The following NRXN3 variants were observed in gnomAD, a reference collection of about 807,000 sequenced individuals.
NRXN3 encodes the protein neurexin III.
A neutral mutation model predicts 137.6 loss-of-function variants in NRXN3; 32 were observed. The observed-to-expected ratio is 0.23, with a 90% CI of 0.18 to 0.31. The LOEUF (loss-of-function observed/expected upper bound fraction) is 0.31, where lower values mean the gene tolerates loss of function less well. Among genes scored for constraint, NRXN3 ranks in the 10% least tolerant of loss-of-function variants. The probability of loss-of-function intolerance (pLI) is 1.00; values close to 1 mark genes in which losing one functional copy is unlikely to be tolerated. For missense variants in NRXN3, 1,574 were observed against 2,062.5 expected (o/e 0.76, Z 4.59); for synonymous variants, 798 against 784.5 (o/e 1.02, Z -0.29).
At chr14:79,726,031 A>C (rs1395166237) in intron 19 of NRXN3, among the ~76,000 whole-genome samples, 1 of 152,142 alleles carries the variant, frequency 6.6e-6, no homozygotes, top group Admixed American at 6.6e-5. Flanking sequence ...AATCAGACAC[A>C]TTTTGGGAAG....
At chr14:79,252,984 A>C (rs1379924546) in intron 15 of NRXN3, among the ~76,000 whole-genome samples, 3 of 152,220 alleles carry the variant, frequency 2.0e-5, no homozygotes, top group African/African-American at 4.8e-5. Context: ...AGGAACTTAC[A>C]TCAGAAGGAG....
intron 14 of NRXN3, among the ~76,000 whole-genome samples, chr14:78,976,074 G>A (rs2153031267): frequency 6.6e-6 from 1 of 152,178 alleles, no homozygotes; most frequent in Non-Finnish European, 1.5e-5. Flanking sequence ...TTTTAAGAAG[G>A]GTATTAGTGG....
chr14:78,626,076 C>G (rs2097455170), intron 4 of NRXN3, among the ~76,000 whole-genome samples: 2 of 152,320 alleles, frequency 1.3e-5, no homozygotes, highest in South Asian at 4.1e-4. Context: ...TATTATTAAA[C>G]AGTGCAGCCC....
At chr14:78,263,273 C>T (rs570965537) in intron 2 of NRXN3, among the ~76,000 whole-genome samples, 6 of 152,028 alleles carry the variant, frequency 3.9e-5, no homozygotes, top group Non-Finnish European at 7.4e-5. Context: ...ATGTTAGCTT[C>T]GTTTCCTTTA....
At chr14:78,898,597 GTGTGTC>G (rs1453489509) in intron 10 of NRXN3, among the ~76,000 whole-genome samples, 37 of 140,912 alleles carry the variant, frequency 2.6e-4, no homozygotes, top group Admixed American at 6.9e-5. Flanking sequence ...GTGTGTGTGT[GTGTGTC>G]TGATATATCA....
At position 78,242,374 on chromosome 14, in the gene NRXN3, T is replaced by C; in HGVS notation, c.-703-17T>C. On this transcript the variant is annotated splice_polypyrimidine_tract_variant and intron_variant, in intron 1 of 20. Coordinates refer to ENST00000335750, the MANE Select transcript of NRXN3 (RefSeq NM_001330195.2). ...GTCCTAATCTTCCTCTCCTTCTCCC[T>C]CCCCCTCTTCCCACAGGTCTTTTCT... The C allele has an allele frequency of 6.6e-6, 1 of 152,308 alleles. No individual in the cohort carries two copies. The highest frequency in any genetic ancestry group is 1.5e-5 in the Non-Finnish European group (1 of 68,056). The allele number at this position is 152,308 out of a possible 1,614,324, so 9.4% of individuals were successfully genotyped here. A position where few individuals can be genotyped will look rare whatever the true frequency, so the allele number is the denominator to read the frequency against.
chr14:78,319,816 A>G (rs6574433), intron 4 of NRXN3, among the ~76,000 whole-genome samples: 79,714 of 152,166 alleles, frequency 0.52, 22,552 homozygotes, highest in African/African-American at 0.74. Flanking sequence ...CCTGTTACCC[A>G]TCTGTATAAT....
At position 79,652,519 on chromosome 14, in the gene NRXN3, A is replaced by AACTT. The variant is rs558101359; in HGVS notation, c.3445-11255_3445-11252dup. On this transcript the variant is annotated intron_variant, in intron 16 of 20. Transcript: ENST00000335750. Reference sequence around the variant, plus strand: ...CATTTCTATTTCTCCATTTGGCTGAAACTTACTCACTTTATACTTTGGTAG... The same window carrying AACTT: ...CATTTCTATTTCTCCATTTGGCTGAAACTTACTTACTCACTTTATACTTTGGTAG... 5.9e-5 allele frequency among the ~76,000 whole-genome samples: 9 copies of AACTT among 152,252 alleles called. No homozygotes were observed. The South Asian group carries it at 8.3e-4, about 14-fold the overall frequency.
At chr14:78,188,811 C>T (rs2153369491) in intron 1 of NRXN3, among the ~76,000 whole-genome samples, 1 of 152,176 alleles carries the variant, frequency 6.6e-6, no homozygotes, top group Non-Finnish European at 1.5e-5. Flanking sequence ...CCTACGGATT[C>T]CTACGGGTTG....
intron 15 of NRXN3, among the ~76,000 whole-genome samples, chr14:79,201,855 A>G (rs1452914736): frequency 2.0e-5 from 3 of 152,170 alleles, no homozygotes; most frequent in African/African-American, 7.2e-5. Flanking sequence ...GTCACTACAT[A>G]TTTCTTTTAA....
intron 15 of NRXN3, among the ~76,000 whole-genome samples, chr14:79,462,818 A>AAT (rs72193878): frequency 1.3e-5 from 1 of 78,356 alleles, no homozygotes; most frequent in African/African-American, 5.9e-5. Flanking sequence ...CACATAGACA[A>AAT]ATATATATAT....
chr14:79,318,140 A>T (rs1221964891), intron 15 of NRXN3, among the ~76,000 whole-genome samples: 4 of 152,250 alleles, frequency 2.6e-5, no homozygotes. Flanking sequence ...TTTCCAAAAA[A>T]ATATAGTGTT....
chr14:79,508,301 G>A (rs968833031), intron 16 of NRXN3, among the ~76,000 whole-genome samples: 43 of 150,982 alleles, frequency 2.8e-4, no homozygotes, highest in Non-Finnish European at 4.3e-4. Context: ...TATACTTTTC[G>A]GCTTCCAGTG....
chr14:78,342,289 T>C (rs933565992), intron 4 of NRXN3, among the ~76,000 whole-genome samples: 1 of 152,176 alleles, frequency 6.6e-6, no homozygotes, highest in Non-Finnish European at 1.5e-5. Context: ...TTAGTTGAAC[T>C]TGAGAAATAC....
chr14:79,307,363 G>T (rs2086271849), intron 15 of NRXN3, among the ~76,000 whole-genome samples: 1 of 151,918 alleles, frequency 6.6e-6, no homozygotes, highest in Non-Finnish European at 1.5e-5. Flanking sequence ...TTATATTTTA[G>T]GTTTACCCCT....
chr14:79,716,196 T>A lies in NRXN3; in HGVS notation c.4014+18259T>A, dbSNP rs149831657. 3.6e-3 allele frequency among the ~76,000 whole-genome samples: 551 copies of A among 152,224 alleles called. 16 individuals carry two copies. Among genetic ancestry groups the A allele is most frequent in the Admixed American group, 0.034 (525 of 15,288 alleles). The stretch of plus-strand genomic sequence containing the variant: ...CTCTGTGCTATGCCAAAGGTGCAGA[T>A]CCCCTTAGTGAAAATTGGAGACATG... On this transcript the variant is annotated intron_variant, in intron 19 of 20. Coordinates refer to ENST00000335750, the MANE Select transcript of NRXN3 (RefSeq NM_001330195.2).
intron 4 of NRXN3, among the ~76,000 whole-genome samples, chr14:78,374,867 G>A (rs77612142): frequency 0.031 from 4,724 of 151,640 alleles, 82 homozygotes; most frequent in Middle Eastern, 0.038. Flanking sequence ...AATTATTTGA[G>A]ACATGTTCTA....
intron 15 of NRXN3, among the ~76,000 whole-genome samples, chr14:79,128,994 G>T (rs1277817119): frequency 5.3e-5 from 8 of 152,258 alleles, no homozygotes; most frequent in Admixed American, 5.2e-4. Flanking sequence ...TCTGATGGTA[G>T]TTTGTATTTC....
intron 15 of NRXN3, among the ~76,000 whole-genome samples, chr14:79,358,615 A>AAG (rs888753745): frequency 2.3e-5 from 3 of 130,750 alleles, no homozygotes; most frequent in African/African-American, 6.0e-5. Flanking sequence ...AAGAGAAAGA[A>AAG]AGAAAGAAAG....
Sources: allele counts gnomAD v4.1 joint callset (sites outside exome capture counted in the v4.1 genomes callset), GRCh38; gene constraint gnomAD v4.1.1; transcripts MANE v1.5; gene names NCBI Gene and HGNC (gene_info 2026-07-23, HGNC 2026-07-21).